DCAF6: variants seen among roughly 807,000 people sequenced by gnomAD.
DCAF6 encodes the protein DDB1 and CUL4 associated factor 6.
In DCAF6, 54 loss-of-function variants were observed where a neutral mutation model predicts 125.1. The ratio of observed to expected loss-of-function variants is 0.43; its 90% CI spans 0.35 to 0.54. The LOEUF is 0.54. Ranked by LOEUF, DCAF6 falls within the 20% of genes least tolerant of loss-of-function variation. The pLI, the probability that DCAF6 is intolerant of heterozygous loss-of-function variation, is 0.01. For synonymous variants in DCAF6, 371 were observed against 390.4 expected (o/e 0.95, Z 0.58); for missense variants, 934 against 1,161.7 (o/e 0.80, Z 2.85).
intron 12 of DCAF6, among the ~76,000 whole-genome samples, chr1:168,037,388 A>G (rs1687976330): frequency 6.6e-6 from 1 of 152,196 alleles, no homozygotes; most frequent in South Asian, 2.1e-4. Flanking sequence ...ACTGGTATCA[A>G]GGAAAAAGAT....
the DCAF6 span, chr1:167,880,662 G>A: frequency 1.5e-6 from 2 of 1,374,554 alleles, no homozygotes; most frequent in Non-Finnish European, 2.1e-6. Context: ...GCTTTAAACT[G>A]GACTGGCCAG....
intron 17 of DCAF6, among the ~76,000 whole-genome samples, chr1:168,061,695 G>A (rs1417295153): frequency 6.6e-6 from 1 of 151,926 alleles, no homozygotes; most frequent in Non-Finnish European, 1.5e-5. Context: ...AAGTTTTTCT[G>A]TAATATACAT....
chr1:168,017,945 T>C (rs1685194041), intron 11 of DCAF6, among the ~76,000 whole-genome samples: 1 of 152,180 alleles, frequency 6.6e-6, no homozygotes, highest in Admixed American at 6.5e-5. Context: ...TATTTAAGTG[T>C]TTTAGCTATA....
chr1:167,867,932 C>T, the DCAF6 span, among the ~76,000 whole-genome samples: 1 of 152,090 alleles, frequency 6.6e-6, no homozygotes, highest in Non-Finnish European at 1.5e-5. Context: ...GAAGGCAGCC[C>T]CTCCTGTACG....
chr1:167,902,170 G>A, the DCAF6 span: 1 of 1,026,168 alleles, frequency 9.7e-7, no homozygotes, highest in East Asian at 2.4e-5. Flanking sequence ...TCAGAGAATA[G>A]GCTTATACTA....
the DCAF6 span, among the ~76,000 whole-genome samples, chr1:167,911,358 A>G: frequency 3.3e-5 from 5 of 152,250 alleles, no homozygotes; most frequent in East Asian, 1.9e-4. Context: ...AAATCAATGT[A>G]CTTTATGTTC....
intron 12 of DCAF6, among the ~76,000 whole-genome samples, chr1:168,035,412 A>G (rs536016347): frequency 1.1e-3 from 173 of 152,310 alleles, no homozygotes; most frequent in Non-Finnish European, 2.1e-3. Context: ...TCGCCACTGC[A>G]CTCCAACCTG....
At chr1:167,866,663 A>T in the DCAF6 span, among the ~76,000 whole-genome samples, 2 of 152,204 alleles carry the variant, frequency 1.3e-5, no homozygotes, top group African/African-American at 4.8e-5. Context: ...AAAGTTTGCT[A>T]AAAGTTAACA....
chr1:168,007,860 A>AAT (rs1356216602), intron 10 of DCAF6, among the ~76,000 whole-genome samples: 1 of 151,852 alleles, frequency 6.6e-6, no homozygotes, highest in Non-Finnish European at 1.5e-5. Context: ...ATGACTCACA[A>AAT]ATATATATAT....
chr1:167,872,480 A>T, the DCAF6 span, among the ~76,000 whole-genome samples: 2 of 151,874 alleles, frequency 1.3e-5, no homozygotes, highest in African/African-American at 4.8e-5. Context: ...CTAAAATGAG[A>T]TTGTCTCCTT....
intron 4 of DCAF6, among the ~76,000 whole-genome samples, chr1:167,976,342 G>A (rs1268474620): frequency 1.3e-5 from 2 of 152,030 alleles, no homozygotes; most frequent in African/African-American, 4.8e-5. Context: ...GGTGGTGCAC[G>A]CCTGTAATAC....
In DCAF6 at chr1:168,063,654, C is replaced by T. The variant is rs1381269896; in HGVS notation, c.2334C>T (p.Phe778=). 6.2e-7 allele frequency: 1 copy of T among 1,600,350 alleles called. No homozygotes were observed. Among genetic ancestry groups the T allele is most frequent in the Non-Finnish European group, 8.5e-7 (1 of 1,174,322 alleles). The change falls in exon 18 of 22, where the codon TTC becomes TTT. Residue 778 remains phenylalanine (F), a synonymous_variant. Transcript: ENST00000367840. The part of the protein sequence containing the change: ...RSAVARIQEF[F]RRRKERKEME... ...CTGTTGCCCGTATTCAGGAGTTCTT[C>T]AGACGGAGAAAAGAAAGGAAAGAAA...
the DCAF6 span, among the ~76,000 whole-genome samples, chr1:167,895,092 G>T: frequency 6.6e-6 from 1 of 150,780 alleles, no homozygotes; most frequent in Non-Finnish European, 1.5e-5. Flanking sequence ...TGAGGCAGGA[G>T]AATCGCTTGA....
At chr1:168,026,105 A>T (rs1386332139) in intron 12 of DCAF6, among the ~76,000 whole-genome samples, 1 of 152,150 alleles carries the variant, frequency 6.6e-6, no homozygotes, top group African/African-American at 2.4e-5. Flanking sequence ...ATATAACTTC[A>T]CAATCTCTAG....
intron 2 of DCAF6, among the ~76,000 whole-genome samples, chr1:167,964,547 ATTG>A (rs1302334049): frequency 6.6e-6 from 1 of 152,024 alleles, no homozygotes; most frequent in African/African-American, 2.4e-5. Flanking sequence ...TATCCTGATT[ATTG>A]TTCTCTGAGC....
chr1:168,035,683 A>G (rs761685364), intron 12 of DCAF6, among the ~76,000 whole-genome samples: 1 of 152,206 alleles, frequency 6.6e-6, no homozygotes, highest in South Asian at 2.1e-4. Flanking sequence ...TCTATCAACT[A>G]TAATCAATCA....
intron 16 of DCAF6, among the ~76,000 whole-genome samples, chr1:168,045,821 AT>A (rs1433877361): frequency 6.6e-6 from 1 of 152,062 alleles, no homozygotes; most frequent in Non-Finnish European, 1.5e-5. Context: ...ACAAGGATAT[AT>A]TTTCTTTTGT....
At chr1:167,942,822 G>GT (rs1672456826) in intron 1 of DCAF6, among the ~76,000 whole-genome samples, 1 of 152,076 alleles carries the variant, frequency 6.6e-6, no homozygotes, top group South Asian at 2.1e-4. Context: ...GACCATAAAT[G>GT]TTTAAGTCAA....
At chr1:167,963,473 C>T (rs1377550751) in intron 2 of DCAF6, among the ~76,000 whole-genome samples, 1 of 143,954 alleles carries the variant, frequency 6.9e-6, no homozygotes, top group African/African-American at 2.6e-5. Context: ...TGGAGTCTCA[C>T]TCTGCCACCC....
Sources: allele counts gnomAD v4.1 joint callset (sites outside exome capture counted in the v4.1 genomes callset), GRCh38; gene constraint gnomAD v4.1.1; transcripts MANE v1.5; gene names NCBI Gene and HGNC (gene_info 2026-07-23, HGNC 2026-07-21).